Variants in SPIDR observed in about 807,000 individuals in gnomAD.
SPIDR encodes DNA repair-scaffolding protein.
In SPIDR, 93 loss-of-function variants were observed where a neutral mutation model predicts 104.6. That is an observed-to-expected ratio of 0.89 (90% CI 0.75 to 1.06). SPIDR has a LOEUF of 1.06. Ranked by LOEUF, SPIDR falls within the 50% of genes least tolerant of loss-of-function variation. The probability of loss-of-function intolerance (pLI) is 0.00; values close to 1 mark genes in which losing one functional copy is unlikely to be tolerated. For synonymous variants in SPIDR, 431 were observed against 416.9 expected, an observed-to-expected ratio of 1.03 and a Z score of -0.41; for missense variants, 1,154 against 1,111.2, an observed-to-expected ratio of 1.04 and a Z score of -0.55.
At chr8:47,644,794 A>G (rs757733164) in intron 10 of SPIDR, among the ~76,000 whole-genome samples, 1 of 152,198 alleles carries the variant, frequency 6.6e-6, no homozygotes, top group Non-Finnish European at 1.5e-5. Context: ...TAGGAGCATC[A>G]AGGTCACCTT....
At chr8:47,647,530 G>A (rs564041344) in intron 10 of SPIDR, among the ~76,000 whole-genome samples, 47 of 151,824 alleles carry the variant, frequency 3.1e-4, no homozygotes, top group African/African-American at 1.1e-3. Context: ...CAGGAGAATC[G>A]CTTGAACTCA....
intron 5 of SPIDR, among the ~76,000 whole-genome samples, chr8:47,312,251 G>T (rs1174733277): frequency 6.6e-6 from 1 of 152,106 alleles, no homozygotes; most frequent in African/African-American, 2.4e-5. Flanking sequence ...GGGATGGCTG[G>T]GTCAAATGGT....
intron 15 of SPIDR, 145 bp downstream of exon 15, chr8:47,713,017 G>C (rs766058355): frequency 3.1e-5 from 44 of 1,424,248 alleles, no homozygotes; most frequent in Non-Finnish European, 3.8e-5. Context: ...CCATGTACCA[G>C]CCTCCAGCCT....
chr8:47,503,886 A>C (rs995247784), intron 8 of SPIDR, among the ~76,000 whole-genome samples: 1 of 152,058 alleles, frequency 6.6e-6, no homozygotes, highest in African/African-American at 2.4e-5. Context: ...TTTCTCCTTC[A>C]CTCATGAAGC....
intron 5 of SPIDR, among the ~76,000 whole-genome samples, chr8:47,322,106 A>T (rs1554596348): frequency 6.6e-6 from 1 of 152,242 alleles, no homozygotes; most frequent in Admixed American, 6.5e-5. Context: ...GGATCTAATT[A>T]AACGAAAGAG....
At chr8:47,536,602 C>G (rs2154386735) in intron 8 of SPIDR, among the ~76,000 whole-genome samples, 1 of 152,102 alleles carries the variant, frequency 6.6e-6, no homozygotes, top group Admixed American at 6.5e-5. Flanking sequence ...GATCTTACAC[C>G]AAAAAGTAAC....
intron 16 of SPIDR, among the ~76,000 whole-genome samples, chr8:47,718,225 A>C (rs1172076855): frequency 1.3e-5 from 2 of 152,226 alleles, no homozygotes; most frequent in African/African-American, 2.4e-5. Flanking sequence ...AGAGGGCATC[A>C]TATCAGTCAC....
intron 1 of SPIDR, among the ~76,000 whole-genome samples, chr8:47,262,920 A>T (rs1326241022): frequency 7.9e-5 from 12 of 152,160 alleles, no homozygotes; most frequent in Non-Finnish European, 1.8e-4. Flanking sequence ...TCCCTTAGGC[A>T]CTACTTTGAT....
At chr8:47,464,151 CACACAG>C (rs1467244130) in intron 8 of SPIDR, among the ~76,000 whole-genome samples, 24 of 145,772 alleles carry the variant, frequency 1.6e-4, no homozygotes, top group Non-Finnish European at 3.3e-4. Flanking sequence ...CACACACACA[CACACAG>C]AGCACGTTAG....
chr8:47,595,860 T>C lies in SPIDR; in HGVS notation c.1147T>C (p.Tyr383His). The C allele has an allele frequency of 6.2e-7, 1 of 1,614,266 alleles. No homozygotes were observed. The highest frequency in any genetic ancestry group is 1.1e-5 in the South Asian group (1 of 91,086). ...SGSCPVILNT[Y>H]FCEKVVAKED... ...AAGTTGCCCTGTTATTCTGAATACTTACTTTTGTGAGAAAGTTGTTGCCAA... is the reference window on the plus strand; with the variant it reads ...AAGTTGCCCTGTTATTCTGAATACTCACTTTTGTGAGAAAGTTGTTGCCAA... The change falls in exon 9 of 20, where the codon TAC (tyrosine) becomes CAC (histidine). Residue 383 changes from tyrosine to histidine, a missense_variant. Tyr to His is a moderately conservative substitution (Grantham distance 83). Coordinates refer to ENST00000297423, the MANE Select transcript of SPIDR (RefSeq NM_001080394.4).
chr8:47,549,964 A>G (rs2154396639), intron 8 of SPIDR, among the ~76,000 whole-genome samples: 1 of 152,346 alleles, frequency 6.6e-6, no homozygotes, highest in African/African-American at 2.4e-5. Flanking sequence ...GAAGGGATCC[A>G]GTTTCAGCTT....
intron 5 of SPIDR, among the ~76,000 whole-genome samples, chr8:47,367,569 T>C (rs1480136291): frequency 6.6e-6 from 1 of 152,198 alleles, no homozygotes; most frequent in Non-Finnish European, 1.5e-5. Context: ...TTACAGGTAG[T>C]ATAGACCATT....
chr8:47,286,465 T>A (rs1389932330), intron 3 of SPIDR, among the ~76,000 whole-genome samples: 1 of 152,156 alleles, frequency 6.6e-6, no homozygotes, highest in African/African-American at 2.4e-5. Context: ...TCCCAGTTAC[T>A]TGGGAGGCTG....
chr8:47,472,869 A>G (rs902183462), intron 8 of SPIDR, among the ~76,000 whole-genome samples: 21 of 152,228 alleles, frequency 1.4e-4, no homozygotes, highest in East Asian at 1.9e-4. Context: ...CAGCCTCTCA[A>G]TGGGTCCATT....
chr8:47,688,136 T>C (rs553136743), intron 11 of SPIDR, among the ~76,000 whole-genome samples: 21 of 152,158 alleles, frequency 1.4e-4, no homozygotes, highest in Admixed American at 3.9e-4. Flanking sequence ...TTATTTTATT[T>C]ATTTATTTTT....
chr8:47,714,147 G>A (rs1386572777), intron 16 of SPIDR, among the ~76,000 whole-genome samples: 1 of 152,104 alleles, frequency 6.6e-6, no homozygotes. Context: ...TGTCAGGAGT[G>A]TGTTCTGTCA....
intron 11 of SPIDR, among the ~76,000 whole-genome samples, chr8:47,699,359 C>T (rs983944383): frequency 1.3e-5 from 2 of 152,204 alleles, no homozygotes; most frequent in African/African-American, 4.8e-5. Context: ...CAAGGTCTCA[C>T]AGTGTATAAA....
chr8:47,506,434 G>T (rs1482920472), intron 8 of SPIDR, among the ~76,000 whole-genome samples: 1 of 152,044 alleles, frequency 6.6e-6, no homozygotes, highest in Non-Finnish European at 1.5e-5. Flanking sequence ...AGGTTCTCAG[G>T]GTGATCGTTC....
intron 14 of SPIDR, among the ~76,000 whole-genome samples, chr8:47,705,630 G>A (rs769540689): frequency 3.9e-5 from 6 of 152,232 alleles, no homozygotes; most frequent in South Asian, 4.1e-4. Flanking sequence ...CAGACTAGGC[G>A]TGGTGGCTCA....
Sources: gnomAD v4.1 joint callset for allele counts (sites outside exome capture counted in the v4.1 genomes callset) on GRCh38, gnomAD v4.1.1 for gene constraint, MANE v1.5 for transcripts, NCBI Gene and HGNC (gene_info 2026-07-23, HGNC 2026-07-21) for gene names.